VCPIP1: variants seen among roughly 807,000 people sequenced by gnomAD.
VCPIP1 encodes deubiquitinating protein VCPIP1.
In VCPIP1, 8 loss-of-function variants were observed where a neutral mutation model predicts 85.0. That is an observed-to-expected ratio of 0.09 (90% CI 0.06 to 0.17). The LOEUF (loss-of-function observed/expected upper bound fraction) is 0.17, where lower values mean the gene tolerates loss of function less well. Among genes scored for constraint, VCPIP1 ranks in the 10% least tolerant of loss-of-function variants. The probability of loss-of-function intolerance (pLI) is 1.00; values close to 1 mark genes in which losing one functional copy is unlikely to be tolerated. For synonymous variants in VCPIP1, 543 were observed against 544.5 expected (o/e 1.00, Z 0.04); for missense variants, 1,070 against 1,486.3 (o/e 0.72, Z 4.61).
intron 2 of VCPIP1, among the ~76,000 whole-genome samples, chr8:66,647,232 T>G (rs1383332533): frequency 6.6e-6 from 1 of 151,384 alleles, no homozygotes; most frequent in Non-Finnish European, 1.5e-5. Context: ...TCCCAGCTAC[T>G]TGGGAGACTG....
At chr8:66,655,203 A>C (rs928882054) in intron 1 of VCPIP1, among the ~76,000 whole-genome samples, 2 of 152,184 alleles carry the variant, frequency 1.3e-5, no homozygotes, top group African/African-American at 4.8e-5. Context: ...AGATTCAGGG[A>C]AAGGTCAGTG....
intron 1 of VCPIP1, among the ~76,000 whole-genome samples, chr8:66,655,911 T>C (rs1466182934): frequency 6.6e-6 from 1 of 152,122 alleles, no homozygotes; most frequent in Non-Finnish European, 1.5e-5. Flanking sequence ...AAAAAATCTA[T>C]ACTACTGCCT....
At position 66,635,517 on chromosome 8, in the gene VCPIP1, G is replaced by A. The variant is rs1403198307; in HGVS notation, c.2798-145C>T. ...AAAACAAAATTCATTCAGATTTATT[G>A]TATTACAAAAAAGAACCACCGCCAT... On this transcript the variant is annotated intron_variant, in intron 2 of 2. Transcript: ENST00000310421. The A allele has an allele frequency of 4.2e-6, 4 of 949,184 alleles. No homozygotes were observed. In the African/African-American group the frequency reaches 6.7e-5, roughly 16 times the overall value. The allele number at this position is 949,184 out of a possible 1,614,324, so 58.8% of individuals were successfully genotyped here. A position where few individuals can be genotyped will look rare whatever the true frequency, so the allele number is the denominator to read the frequency against.
rs187074559 is a variant in VCPIP1 at position 66,636,486 on chromosome 8, T to C, written c.2798-1114A>G. Among the ~76,000 whole-genome samples, 778 of 152,222 alleles carry C rather than the reference T, an allele frequency of 5.1e-3. 4 individuals are homozygous for C. The highest frequency in any genetic ancestry group is 0.01 in the Middle Eastern group (3 of 294). On this transcript the variant is annotated intron_variant, in intron 2 of 2. Coordinates refer to ENST00000310421, the MANE Select transcript of VCPIP1 (RefSeq NM_025054.5). The stretch of plus-strand genomic sequence containing the variant: ...TAGGCCCGGCACAGTGGCTCACACC[T>C]GTAATCCCAGCACTTTGGGAGGCCA...
At chr8:66,655,786 T>C (rs1811094308) in intron 1 of VCPIP1, among the ~76,000 whole-genome samples, 1 of 152,224 alleles carries the variant, frequency 6.6e-6, no homozygotes, top group Non-Finnish European at 1.5e-5. Flanking sequence ...ACAATTATGT[T>C]AATTTATATT....
rs1011370280 is a variant in VCPIP1 at position 66,667,204 on chromosome 8, TCA to T, written c.-248_-247del. 57 of 688,060 alleles carry T rather than the reference TCA, an allele frequency of 8.3e-5. No homozygotes were observed. The highest frequency in any genetic ancestry group is 1.2e-4 in the East Asian group (4 of 34,280). The allele number at this position is 688,060 out of a possible 1,614,324, so 42.6% of individuals were successfully genotyped here. On this transcript the variant is annotated 5_prime_UTR_variant, in exon 1 of 3. Transcript: ENST00000310421. ...CACCCCACCCCGCACTCACACTCACTCACTCTCGCTCTCTCTCCCTCAGACAC... is the reference window on the plus strand; with the variant it reads ...CACCCCACCCCGCACTCACACTCACTCTCTCGCTCTCTCTCCCTCAGACAC...
Position 66,634,210 on chromosome 8 carries a change from A to T in VCPIP1, c.*291T>A, listed in dbSNP as rs1810861678. The T allele has an allele frequency of 3.9e-6, 1 of 256,300 alleles. No homozygotes were observed. Among genetic ancestry groups the T allele is most frequent in the African/African-American group, 2.2e-5 (1 of 45,194 alleles). The allele number at this position is 256,300 out of a possible 1,614,324, so 15.9% of individuals were successfully genotyped here. ...GAGAATTTTCATGTTGGAAACATTA[A>T]GACTTTCATGGAATTAAAATTACAA... On this transcript the variant is annotated 3_prime_UTR_variant, in exon 3 of 3. Transcript: ENST00000310421.
Position 66,630,130 on chromosome 8 carries a change from CA to C in VCPIP1, c.*4370del, listed in dbSNP as rs1810820189. The C allele has an allele frequency of 1.3e-5, 2 of 152,038 alleles. No individual in the cohort carries two copies. Among genetic ancestry groups the C allele is most frequent in the Non-Finnish European group, 1.5e-5 (1 of 68,000 alleles). 9.4% of individuals were successfully genotyped at this position (152,038 alleles called of 1,614,324 possible). On this transcript the variant is annotated 3_prime_UTR_variant, in exon 3 of 3. Transcript: ENST00000310421. ...TTATTATTGATATAAAAGAAAACTT[CA>C]AATACTGTACAGTAAGGTGTGCTGT...
rs780709807 is a variant in VCPIP1 at position 66,666,725 on chromosome 8, C to T, written c.234G>A (p.Glu78=). 9.9e-6 allele frequency: 16 copies of T among 1,613,982 alleles called. No individual in the cohort carries two copies. In the East Asian group the frequency reaches 3.3e-4, roughly 34 times the overall value. The change falls in exon 1 of 3, where the codon GAG becomes GAA. Residue 78 remains glutamate, a synonymous_variant. Transcript: ENST00000310421. The surrounding 1 kb of genome is among the most constrained non-coding windows in gnomAD (Gnocchi z 6.3). ...CCTCAACCCCCAGCAGCTGTTGCTG[C>T]TCGTGCCGCTGGCCGCACTCGGTAC... ...IECTECGQRH[E]QQQLLGVEEV... is the part of the protein sequence containing the mutation.
At chr8:66,648,613 G>A (rs1237084765) in intron 2 of VCPIP1, among the ~76,000 whole-genome samples, 1 of 151,896 alleles carries the variant, frequency 6.6e-6, no homozygotes, top group African/African-American at 2.4e-5. Context: ...GGAGTGCAGT[G>A]GCATGATCTT....
rs1810850105 is a variant in VCPIP1, at chr8:66,633,098, G to A, written c.*1403C>T. On this transcript the variant is annotated 3_prime_UTR_variant, in exon 3 of 3. Coordinates refer to ENST00000310421, the MANE Select transcript of VCPIP1 (RefSeq NM_025054.5). ...ATCTGGAAACACAAGTTAAAGTACT[G>A]TCTATATCCCTTATGAATCAACAGG... The A allele has an allele frequency of 6.6e-6, 1 of 152,446 alleles. No individual in the cohort carries two copies. Among genetic ancestry groups the A allele is most frequent in the Admixed American group, 6.6e-5 (1 of 15,256 alleles). 9.4% of individuals were successfully genotyped at this position (152,446 alleles called of 1,614,324 possible). A position where few individuals can be genotyped will look rare whatever the true frequency, so the allele number is the denominator to read the frequency against.
At chr8:66,661,282 G>T (rs1449314990) in intron 1 of VCPIP1, among the ~76,000 whole-genome samples, 1 of 152,108 alleles carries the variant, frequency 6.6e-6, no homozygotes, top group Non-Finnish European at 1.5e-5. Context: ...CATAAATGCT[G>T]GATATGAAGA....
rs1313434202 is a variant in VCPIP1, at chr8:66,666,582, T to C, written c.377A>G (p.His126Arg). The C allele has an allele frequency of 6.2e-7, 1 of 1,614,090 alleles. No homozygotes were observed. Among genetic ancestry groups the C allele is most frequent in the Non-Finnish European group, 8.5e-7 (1 of 1,180,004 alleles). Residue 126 changes from histidine to arginine, a missense_variant, in exon 1 of 3, where the codon CAC becomes CGC. By Grantham distance (29) the His-to-Arg change is conservative. This residue lies in a region of VCPIP1 where 118 missense variants were observed against 337.1 expected (regional missense o/e 0.35). Transcript: ENST00000310421. The surrounding 1 kb of genome is among the most constrained non-coding windows in gnomAD (Gnocchi z 6.3). ...LVKVMGLSNY[H>R]CKLLSPILAR... ...TAATATGGGCGACAACAATTTGCAG[T>C]GATAGTTGGAAAGGCCCATCACCTT...
In VCPIP1 at chr8:66,634,552, A is replaced by G; in HGVS notation, c.3618T>C (p.Asp1206=). The part of the protein sequence containing the change: ...GNSVEELEEM[D]SQDAEMTNTT... ...TGTTAGTCATCTCAGCATCTTGACT[A>G]TCCATCTCTTCAAGCTCCTCCACGG... Residue 1206 remains aspartate, a synonymous_variant, in exon 3 of 3, where the codon GAT becomes GAC. Transcript: ENST00000310421. 1.9e-6 allele frequency: 3 copies of G among 1,613,576 alleles called. No individual in the cohort carries two copies. Among genetic ancestry groups the G allele is most frequent in the Non-Finnish European group, 2.5e-6 (3 of 1,179,786 alleles).
rs1193010856 is a variant in VCPIP1 at position 66,667,072 on chromosome 8, T to C, written c.-114A>G. The C allele has an allele frequency of 2.1e-6, 3 of 1,402,012 alleles. No homozygotes were observed. The East Asian group carries it at 7.8e-5, about 36-fold the overall frequency. The allele number at this position is 1,402,012 out of a possible 1,614,324, so 86.8% of individuals were successfully genotyped here. ...CCAGGCCCAGGGCGAAGCACTTTCCTTTCCCTACCAGCTCTTCCTCCTCCT... is the reference window on the plus strand; with the variant it reads ...CCAGGCCCAGGGCGAAGCACTTTCCCTTCCCTACCAGCTCTTCCTCCTCCT... On this transcript the variant is annotated 5_prime_UTR_variant, in exon 1 of 3. Transcript: ENST00000310421.
chr8:66,638,970 C>CTCTCTCTCTCTCTATATATATATA, intron 2 of VCPIP1, among the ~76,000 whole-genome samples: 5 of 118,436 alleles, frequency 4.2e-5, no homozygotes, highest in African/African-American at 1.6e-4. Flanking sequence ...CTCTCTCTCT[C>CTCTCTCTCTCTCTATATATATATA]TATATATATA....
chr8:66,642,434 A>T (rs1262177234), intron 2 of VCPIP1, among the ~76,000 whole-genome samples: 1 of 151,676 alleles, frequency 6.6e-6, no homozygotes, highest in Non-Finnish European at 1.5e-5. Context: ...TTTGCTTTTT[A>T]TTTTTTTCTC....
At chr8:66,662,681 CATTT>C (rs1197196309) in intron 1 of VCPIP1, among the ~76,000 whole-genome samples, 2 of 151,602 alleles carry the variant, frequency 1.3e-5, no homozygotes, top group African/African-American at 4.8e-5. Context: ...TTTACTTATT[CATTT>C]ATTTATTTAT....
chr8:66,667,087 T>G lies in VCPIP1; in HGVS notation c.-129A>C, dbSNP rs1356761603. On this transcript the variant is annotated 5_prime_UTR_variant, in exon 1 of 3. Coordinates refer to ENST00000310421, the MANE Select transcript of VCPIP1 (RefSeq NM_025054.5). The stretch of plus-strand genomic sequence containing the variant: ...AGCACTTTCCTTTCCCTACCAGCTC[T>G]TCCTCCTCCTAAGCGAAGGCGGAAG... 4.4e-4 allele frequency: 604 copies of G among 1,384,850 alleles called. No individual in the cohort carries two copies. Among genetic ancestry groups the G allele is most frequent in the Middle Eastern group, 5.3e-4 (2 of 3,766 alleles). 85.8% of individuals were successfully genotyped at this position (1,384,850 alleles called of 1,614,324 possible).
Sources: allele counts gnomAD v4.1 joint callset (sites outside exome capture counted in the v4.1 genomes callset), GRCh38; gene constraint gnomAD v4.1.1; regional missense constraint gnomAD v4.1.1; non-coding constraint Gnocchi (gnomAD v3.1); transcripts MANE v1.5; gene names NCBI Gene and HGNC (gene_info 2026-07-23, HGNC 2026-07-21).